RBFOX2: variants seen among roughly 807,000 people sequenced by gnomAD.
RBFOX2 encodes the protein RNA binding protein fox-1 homolog 2.
A neutral mutation model predicts 49.1 loss-of-function variants in RBFOX2; 10 were observed. That is an observed-to-expected ratio of 0.20 (90% confidence interval 0.13 to 0.35). The LOEUF is 0.35. Among genes scored for constraint, RBFOX2 ranks in the 10% least tolerant of loss-of-function variants. RBFOX2 has a pLI of 1.00. For missense variants in RBFOX2, 323 were observed against 486.9 expected (o/e 0.66, Z 3.17); for synonymous variants, 183 against 187.4 (o/e 0.98, Z 0.19).
chr22:35,970,886 A>T (rs145267690), intron 1 of RBFOX2, among the ~76,000 whole-genome samples: 11 of 152,332 alleles, frequency 7.2e-5, no homozygotes, highest in South Asian at 4.1e-4. Context: ...GACCCCTGGG[A>T]TGGCAGAGTT....
chr22:35,867,560 T>C (rs2043836512), intron 1 of RBFOX2, among the ~76,000 whole-genome samples: 1 of 152,184 alleles, frequency 6.6e-6, no homozygotes, highest in Non-Finnish European at 1.5e-5. Flanking sequence ...TGTAATAGCC[T>C]TTTTAATTTG....
chr22:36,021,827 A>G (rs1383533535), intron 1 of RBFOX2, among the ~76,000 whole-genome samples: 1 of 152,204 alleles, frequency 6.6e-6, no homozygotes, highest in East Asian at 1.9e-4. Flanking sequence ...GCATCAGCCA[A>G]TGGGTTTATT....
intron 2 of RBFOX2, among the ~76,000 whole-genome samples, chr22:35,809,524 A>C (rs911416500): frequency 1.3e-5 from 2 of 152,146 alleles, no homozygotes; most frequent in Non-Finnish European, 2.9e-5. Flanking sequence ...CACCATTTAA[A>C]AGTTGAACAG....
intron 1 of RBFOX2, among the ~76,000 whole-genome samples, chr22:35,957,343 C>T (rs944084935): frequency 6.6e-5 from 10 of 152,182 alleles, no homozygotes; most frequent in African/African-American, 2.4e-4. Context: ...CACTTCACCA[C>T]ATACCAACAC....
chr22:36,010,599 A>G (rs767130636), intron 1 of RBFOX2, among the ~76,000 whole-genome samples: 20 of 152,142 alleles, frequency 1.3e-4, no homozygotes, highest in Non-Finnish European at 2.8e-4. Context: ...CTATTGCAAA[A>G]GCCAACTCCG....
chr22:35,984,160 C>T (rs1483247217), intron 1 of RBFOX2, among the ~76,000 whole-genome samples: 2 of 152,144 alleles, frequency 1.3e-5, no homozygotes, highest in African/African-American at 4.8e-5. Flanking sequence ...TGGTTCTCAA[C>T]CTTACTGCAT....
intron 4 of RBFOX2, among the ~76,000 whole-genome samples, chr22:35,768,821 G>A (rs1941817204): frequency 6.6e-6 from 1 of 152,066 alleles, no homozygotes; most frequent in Non-Finnish European, 1.5e-5. Context: ...CTGACATTCA[G>A]GTTCAACATT....
intron 2 of RBFOX2, among the ~76,000 whole-genome samples, chr22:35,782,766 A>T (rs561106901): frequency 6.6e-6 from 1 of 152,308 alleles, no homozygotes; most frequent in Middle Eastern, 3.4e-3. Flanking sequence ...GGCTTTAGAG[A>T]CCCTGACTCA....
intron 1 of RBFOX2, among the ~76,000 whole-genome samples, chr22:35,979,226 G>A (rs139475546): frequency 1.3e-5 from 2 of 152,320 alleles, no homozygotes; most frequent in East Asian, 3.9e-4. Context: ...TGAAAGAAAG[G>A]TAAAGACTGA....
chr22:35,861,674 T>C (rs2043112012), intron 1 of RBFOX2, among the ~76,000 whole-genome samples: 1 of 152,214 alleles, frequency 6.6e-6, no homozygotes, highest in Non-Finnish European at 1.5e-5. Flanking sequence ...GAAAGTCTCA[T>C]ATGCTGCTGG....
At chr22:35,743,857 C>T in exon 12 of RBFOX2, 1 of 222,242 alleles carries the variant, frequency 4.5e-6, no homozygotes, top group Non-Finnish European at 8.7e-6. Context: ...AATGTCTCTC[C>T]TTCCTCCTTG....
chr22:35,903,870 C>T (rs2149466884), intron 1 of RBFOX2, among the ~76,000 whole-genome samples: 1 of 152,306 alleles, frequency 6.6e-6, no homozygotes, highest in South Asian at 2.1e-4. Context: ...CACCATCACA[C>T]AGCAGCCAGA....
intron 1 of RBFOX2, among the ~76,000 whole-genome samples, chr22:35,856,288 T>C (rs1037699495): frequency 1.1e-4 from 17 of 152,178 alleles, no homozygotes; most frequent in Admixed American, 3.9e-4. Context: ...ATACAACCCT[T>C]GGGATCTCAA....
chr22:35,923,613 A>T (rs1214153617), intron 1 of RBFOX2, among the ~76,000 whole-genome samples: 1 of 152,056 alleles, frequency 6.6e-6, no homozygotes, highest in South Asian at 2.1e-4. Flanking sequence ...GGTTTTTTTT[A>T]AAAAGCCAAT....
chr22:35,851,259 A>T (rs1209571961), intron 1 of RBFOX2, among the ~76,000 whole-genome samples: 1 of 152,248 alleles, frequency 6.6e-6, no homozygotes, highest in Non-Finnish European at 1.5e-5. Flanking sequence ...ATACTCGATT[A>T]TCTTCAATTT....
At chr22:36,020,258 TA>T (rs1276761033) in intron 1 of RBFOX2, among the ~76,000 whole-genome samples, 1 of 152,170 alleles carries the variant, frequency 6.6e-6, no homozygotes, top group African/African-American at 2.4e-5. Flanking sequence ...CAAGACGGAT[TA>T]AAGATTTAAA....
At chr22:35,875,863 A>C (rs1051984705) in intron 1 of RBFOX2, among the ~76,000 whole-genome samples, 1 of 152,162 alleles carries the variant, frequency 6.6e-6, no homozygotes, top group African/African-American at 2.4e-5. Flanking sequence ...ATTTTAAGAA[A>C]GCTACATTTT....
chr22:35,931,700 G>A (rs2052428029), intron 1 of RBFOX2, among the ~76,000 whole-genome samples: 1 of 152,154 alleles, frequency 6.6e-6, no homozygotes, highest in African/African-American at 2.4e-5. Flanking sequence ...ACTTGAGCCT[G>A]GGAGGTGGAG....
chr22:35,853,658 CGTGTGTGTGTGTGTGTGTGTGTGTGT>C (rs36048607), intron 1 of RBFOX2, among the ~76,000 whole-genome samples: 3 of 141,054 alleles, frequency 2.1e-5, no homozygotes, highest in African/African-American at 7.7e-5. Flanking sequence ...TATATACACA[CGTGTGTGTGTGTGTGTGTGTGTGTGT>C]GTGTGTGTGT....
Sources: gnomAD v4.1 joint callset for allele counts (sites outside exome capture counted in the v4.1 genomes callset) on GRCh38, gnomAD v4.1.1 for gene constraint, MANE v1.5 for transcripts, NCBI Gene and HGNC (gene_info 2026-07-23, HGNC 2026-07-21) for gene names.